Variants in FGFR4 observed in about 807,000 individuals in gnomAD.
FGFR4 encodes fibroblast growth factor receptor 4, also known as hydroxyaryl-protein kinase.
A neutral mutation model predicts 89.9 loss-of-function variants in FGFR4; 63 were observed. The observed-to-expected ratio is 0.70, with a 90% CI of 0.57 to 0.86. FGFR4 has a LOEUF of 0.86. Among genes scored for constraint, FGFR4 ranks in the 40% least tolerant of loss-of-function variants. The pLI is 0.00. For missense variants in FGFR4, 928 were observed against 1,106.7 expected, an observed-to-expected ratio of 0.84 and a Z score of 2.29; for synonymous variants, 486 against 479.4, an observed-to-expected ratio of 1.01 and a Z score of -0.18.
Position 177,089,667 on chromosome 5 carries a change from T to G in FGFR4, c.65T>G (p.Leu22Arg). ...LSVPGPPVLS[L>R]EASEEVELEP... The stretch of plus-strand genomic sequence containing the variant: ...GTGCCTGGGCCTCCAGTCTTGTCCC[T>G]GGAGGCCTCTGAGGAAGTGGAGCTT... Residue 22 changes from leucine to arginine, a missense_variant, in exon 2 of 18, where the codon CTG (leucine) becomes CGG (arginine). By Grantham distance (102) the Leu-to-Arg change is moderately radical. Transcript: ENST00000292408. 4 of 1,613,902 alleles carry G rather than the reference T, an allele frequency of 2.5e-6. No individual in the cohort carries two copies. Among genetic ancestry groups the G allele is most frequent in the Non-Finnish European group, 3.4e-6 (4 of 1,179,956 alleles).
chr5:177,095,567 G>C lies in FGFR4; in HGVS notation c.1665G>C (p.Lys555Asn). Residue 555 changes from lysine (K) to asparagine (N), a missense_variant, in exon 13 of 18, where the codon AAG (lysine) becomes AAC (asparagine). Transcript: ENST00000292408. The surrounding 1 kb of genome is among the most constrained non-coding windows in gnomAD (Gnocchi z 5.7). The stretch of plus-strand genomic sequence containing the variant: ...ACGTGATCGTGGAGTGCGCCGCCAA[G>C]GGAAACCTGCGGGAGTTCCTGCGGG... ...PLYVIVECAAKGNLREFLRAR... is the reference protein window; with the variant it reads ...PLYVIVECAANGNLREFLRAR... 6.2e-7 allele frequency: 1 copy of C among 1,610,046 alleles called. No homozygotes were observed. The highest frequency in any genetic ancestry group is 8.5e-7 in the Non-Finnish European group (1 of 1,178,566).
At position 177,097,097 on chromosome 5, in the gene FGFR4, CTCCTGCTCCTCT is replaced by C. The variant is rs1289412690; in HGVS notation, c.2154-190_2154-179del. 3.6e-5 allele frequency: 7 copies of C among 196,234 alleles called. 1 individual carries two copies. The highest frequency in any genetic ancestry group is 1.0e-4 in the African/African-American group (2 of 19,076). The allele number at this position is 196,234 out of a possible 1,614,324, so 12.2% of individuals were successfully genotyped here. ...CCTCCTCCTTCTCTTCCTCCTCCTCCTCCTGCTCCTCTTCCTCCTCCTCCTCTTCCTCCTCCT... is the reference window on the plus strand; with the variant it reads ...CCTCCTCCTTCTCTTCCTCCTCCTCCTCCTCCTCCTCCTCTTCCTCCTCCT... On this transcript the variant is annotated intron_variant, in intron 16 of 17. Coordinates refer to ENST00000292408, the MANE Select transcript of FGFR4 (RefSeq NM_213647.3).
At position 177,093,638 on chromosome 5, in the gene FGFR4, C is replaced by G. The variant is rs1784450623; in HGVS notation, c.1398-16C>G. ...AGTGACTCGGAGGTCTGAGGCTGGA[C>G]TTTCTCCATCTCCAGGCTGGTGCTT... On this transcript the variant is annotated splice_polypyrimidine_tract_variant and intron_variant, in intron 10 of 17. Coordinates refer to ENST00000292408, the MANE Select transcript of FGFR4 (RefSeq NM_213647.3). The surrounding 1 kb of genome is among the most constrained non-coding windows in gnomAD (Gnocchi z 5.8). 1 of 1,614,142 alleles carries G rather than the reference C, an allele frequency of 6.2e-7. No individual in the cohort carries two copies. The highest frequency in any genetic ancestry group is 1.3e-5 in the African/African-American group (1 of 75,064).
Position 177,091,102 on chromosome 5 carries a change from C to T in FGFR4, c.601C>T (p.Arg201Trp), listed in dbSNP as rs866476239. 13 of 1,570,848 alleles carry T rather than the reference C, an allele frequency of 8.3e-6. No homozygotes were observed. In the Middle Eastern group the frequency reaches 6.9e-4, roughly 83 times the overall value. The part of the protein sequence containing the change: ...FHGENRIGGI[R>W]LRHQHWSLVM... Reference sequence around the variant, plus strand: ...TGGGGAGAACCGCATTGGAGGCATTCGGGTGAGTCTCTGGGTTCCAAGACC... The same window carrying T: ...TGGGGAGAACCGCATTGGAGGCATTTGGGTGAGTCTCTGGGTTCCAAGACC... The change falls in exon 5 of 18, where the codon CGG (arginine) becomes TGG (tryptophan). Residue 201 changes from arginine to tryptophan, a missense_variant and splice_region_variant. Coordinates refer to ENST00000292408, the MANE Select transcript of FGFR4 (RefSeq NM_213647.3).
rs142584511 is a variant in FGFR4, at chr5:177,090,999, C to G, written c.498C>G (p.Asn166Lys). 1 of 1,613,940 alleles carries G rather than the reference C, an allele frequency of 6.2e-7. No individual in the cohort carries two copies. The highest frequency in any genetic ancestry group is 1.3e-5 in the African/African-American group (1 of 75,038). ...EKKLHAVPAG[N>K]TVKFRCPAAG... ...AACTGCATGCAGTACCTGCGGGGAA[C>G]ACCGTCAAGTTCCGCTGTCCAGCTG... The change falls in exon 5 of 18, where the codon AAC (asparagine) becomes AAG (lysine). Residue 166 changes from asparagine (N) to lysine (K), a missense_variant. By Grantham distance (94) the Asn-to-Lys change is moderately conservative. Around this residue, in one of 5 missense-constraint regions of FGFR4, gnomAD observed 741 missense variants for 836.9 expected, o/e 0.89. Coordinates refer to ENST00000292408, the MANE Select transcript of FGFR4 (RefSeq NM_213647.3).
intron 6 of FGFR4, 53 bp from the exon 7 acceptor site, chr5:177,092,268 G>C: frequency 3.4e-6 from 5 of 1,491,316 alleles, no homozygotes; most frequent in South Asian, 1.4e-5. Flanking sequence ...AGGCAAACAG[G>C]GTGCTTCTAT....
chr5:177,095,537 C>T lies in FGFR4; in HGVS notation c.1635C>T (p.Pro545=), dbSNP rs375532738. The T allele has an allele frequency of 1.2e-6, 2 of 1,611,334 alleles. No individual in the cohort carries two copies. The highest frequency in any genetic ancestry group is 2.7e-5 in the African/African-American group (2 of 74,844). Residue 545 remains proline, a synonymous_variant, in exon 13 of 18, where the codon CCC becomes CCT. Coordinates refer to ENST00000292408, the MANE Select transcript of FGFR4 (RefSeq NM_213647.3). The surrounding 1 kb of genome is among the most constrained non-coding windows in gnomAD (Gnocchi z 5.7). ...NLLGVCTQEG[P]LYVIVECAAK... ...CTCCCTCCACTCCCTCTGCAGGGCC[C>T]CTGTACGTGATCGTGGAGTGCGCCG...
At chr5:177,090,293 A>C in intron 2 of FGFR4, 97 bp from the exon 3 acceptor site, 1 of 1,572,914 alleles carries the variant, frequency 6.4e-7, no homozygotes. Context: ...TGCGTTGCAA[A>C]GTGCTTGTGC....
intron 14 of FGFR4, 43 bp downstream of exon 14, chr5:177,096,222 T>C: frequency 6.2e-7 from 1 of 1,613,022 alleles, no homozygotes; most frequent in South Asian, 1.1e-5. Flanking sequence ...GGAGGGGCAC[T>C]GGGCCCGGGG....
At position 177,095,636 on chromosome 5, in the gene FGFR4, G is replaced by A; in HGVS notation, c.1734G>A (p.Arg578=). The A allele has an allele frequency of 6.2e-7, 1 of 1,606,578 alleles. No individual in the cohort carries two copies. The highest frequency in any genetic ancestry group is 8.5e-7 in the Non-Finnish European group (1 of 1,177,778). The change falls in exon 13 of 18, where the codon CGG becomes CGA. Residue 578 remains arginine (R), a synonymous_variant. Coordinates refer to ENST00000292408, the MANE Select transcript of FGFR4 (RefSeq NM_213647.3). The surrounding 1 kb of genome is among the most constrained non-coding windows in gnomAD (Gnocchi z 5.7). ...PGPDLSPDGP[R]SSEGPLSFPV... ...CCGACCTCAGCCCCGACGGTCCTCGGAGCAGTGAGGGGCCGCTCTCCTTCC... is the reference window on the plus strand; with the variant it reads ...CCGACCTCAGCCCCGACGGTCCTCGAAGCAGTGAGGGGCCGCTCTCCTTCC...
At position 177,087,564 on chromosome 5, in the gene FGFR4, G is replaced by A. The variant is rs1234943744; in HGVS notation, c.-54+487G>A. 4.1e-6 allele frequency: 4 copies of A among 984,850 alleles called. No individual in the cohort carries two copies. Among genetic ancestry groups the A allele is most frequent in the Admixed American group, 6.1e-5 (1 of 16,268 alleles). The allele number at this position is 984,850 out of a possible 1,614,324, so 61.0% of individuals were successfully genotyped here. A position where few individuals can be genotyped will look rare whatever the true frequency, so the allele number is the denominator to read the frequency against. On this transcript the variant is annotated intron_variant, in intron 1 of 17. Transcript: ENST00000292408. This position sits in a 1 kb window ranked among gnomAD's most constrained non-coding sequence, Gnocchi z 6.1. ...TAAGGCAGGCCCTCCATTCCCACGT[G>A]GGGGGTGGTCGGTCAGCGGTCAGCA...
rs374603394 is a variant in FGFR4 at position 177,092,331 on chromosome 5, G to A, written c.738G>A (p.Pro246=). 63 of 1,583,390 alleles carry A rather than the reference G, an allele frequency of 4.0e-5. No individual in the cohort carries two copies. The highest frequency in any genetic ancestry group is 5.7e-5 in the South Asian group (5 of 88,402). ...NYLLDVLERS[P]HRPILQAGLP... ...TCGCCCGGTCCCCAGAGCGGTCCCC[G>A]CACCGGCCCATCCTGCAGGCCGGGC... Residue 246 remains proline, a synonymous_variant, in exon 7 of 18, where the codon CCG becomes CCA. Transcript: ENST00000292408.
chr5:177,093,664 G>A lies in FGFR4; in HGVS notation c.1408G>A (p.Gly470Arg). 6.2e-7 allele frequency: 1 copy of A among 1,614,200 alleles called. No individual in the cohort carries two copies. The highest frequency in any genetic ancestry group is 8.5e-7 in the Non-Finnish European group (1 of 1,180,042). The change falls in exon 11 of 18, where the codon GGG (glycine) becomes AGG (arginine). Residue 470 changes from glycine to arginine, a missense_variant. Coordinates refer to ENST00000292408, the MANE Select transcript of FGFR4 (RefSeq NM_213647.3). The surrounding 1 kb of genome is among the most constrained non-coding windows in gnomAD (Gnocchi z 5.8). ...TTTCTCCATCTCCAGGCTGGTGCTT[G>A]GGAAGCCCCTAGGCGAGGGCTGCTT... is the stretch of plus-strand genomic sequence containing the variant. ...WEFPRDRLVL[G>R]KPLGEGCFGQ...
chr5:177,088,651 G>A (rs913626175), intron 1 of FGFR4: 3 of 173,322 alleles, frequency 1.7e-5, no homozygotes, highest in African/African-American at 4.8e-5. Context: ...GAACAGAGGC[G>A]TCCTTGGTAG....
chr5:177,091,635 C>T (rs766933777), intron 5 of FGFR4, 50 bp from the exon 6 acceptor site: 1 of 1,606,610 alleles, frequency 6.2e-7, no homozygotes, highest in South Asian at 1.1e-5. Context: ...GTCCTCTGGC[C>T]CCCTTGGTGG....
Position 177,090,637 on chromosome 5 carries a change from C to T in FGFR4, c.339C>T (p.Leu113=), listed in dbSNP as rs371080019. 48 of 1,522,386 alleles carry T rather than the reference C, an allele frequency of 3.2e-5. No individual in the cohort carries two copies. The highest frequency in any genetic ancestry group is 6.7e-5 in the Admixed American group (3 of 45,098). The allele number at this position is 1,522,386 out of a possible 1,614,324, so 94.3% of individuals were successfully genotyped here. ...GCTCCATGATCGTCCTGCAGAATCT[C>T]ACCTTGATTACAGGTGGTAAGAGAC... The part of the protein sequence containing the change: ...ARGSMIVLQN[L]TLITGDSLTS... The change falls in exon 3 of 18, where the codon CTC becomes CTT. Residue 113 remains leucine (L), a synonymous_variant. Coordinates refer to ENST00000292408, the MANE Select transcript of FGFR4 (RefSeq NM_213647.3).
chr5:177,088,032 T>C, intron 1 of FGFR4, among the ~76,000 whole-genome samples: 1 of 152,012 alleles, frequency 6.6e-6, no homozygotes. Context: ...TTTTTGTTTG[T>C]TTTTTTATTT....
intron 6 of FGFR4, 69 bp downstream of exon 6, chr5:177,091,877 T>A (rs1784380625): frequency 1.3e-6 from 2 of 1,590,386 alleles, no homozygotes; most frequent in African/African-American, 2.7e-5. Context: ...CTTGGTGGGG[T>A]CTAGTCTGGC....
intron 15 of FGFR4, 93 bp from the exon 16 acceptor site, chr5:177,096,511 C>T: frequency 1.3e-6 from 2 of 1,550,370 alleles, no homozygotes; most frequent in Admixed American, 3.6e-5. Context: ...CATTCCCCAA[C>T]AGCTGTGGTG....
Sources: allele counts gnomAD v4.1 joint callset (sites outside exome capture counted in the v4.1 genomes callset), GRCh38; gene constraint gnomAD v4.1.1; regional missense constraint gnomAD v4.1.1; non-coding constraint Gnocchi (gnomAD v3.1); transcripts MANE v1.5; gene names NCBI Gene and HGNC (gene_info 2026-07-23, HGNC 2026-07-21).